The following ANKS1B variants were observed in gnomAD, a reference collection of about 807,000 sequenced individuals.
ANKS1B encodes the protein ankyrin repeat and sterile alpha motif domain containing 1B.
Under a neutral mutation model 148.3 loss-of-function variants are expected in ANKS1B, and 36 were observed. That is an observed-to-expected ratio of 0.24 (90% CI 0.19 to 0.32). ANKS1B has a LOEUF of 0.32. Among genes scored for constraint, ANKS1B ranks in the 10% least tolerant of loss-of-function variants. The pLI is 1.00. For synonymous variants in ANKS1B, 542 were observed against 560.8 expected (o/e 0.97, Z 0.47); for missense variants, 1,157 against 1,542.6 (o/e 0.75, Z 4.19).
chr12:98,837,957 A>G (rs2099384640), intron 17 of ANKS1B, among the ~76,000 whole-genome samples: 1 of 152,194 alleles, frequency 6.6e-6, no homozygotes, highest in Admixed American at 6.5e-5. Context: ...GAGAACCAGT[A>G]ATCCACAAAC....
rs78474714 is a variant in ANKS1B at position 98,949,343 on chromosome 12, T to C, written c.2778+103814A>G. ...CACAACTGCAGTTTTCTCAGGCCTA[T>C]GCAGCTGCCTCCATCCTTTTGCTCT... On this transcript the variant is annotated intron_variant, in intron 17 of 26. Transcript: ENST00000683438. Among the ~76,000 whole-genome samples, 842 of 152,274 alleles carry C rather than the reference T, an allele frequency of 5.5e-3. 2 individuals are homozygous for C. The highest frequency in any genetic ancestry group is 0.01 in the Middle Eastern group (3 of 294).
intron 17 of ANKS1B, among the ~76,000 whole-genome samples, chr12:98,970,098 G>A (rs1022396609): frequency 3.9e-5 from 6 of 151,932 alleles, no homozygotes; most frequent in African/African-American, 9.7e-5. Flanking sequence ...ACTGCCCCCT[G>A]TTTCTCTAAT....
At chr12:99,879,431 A>C (rs75027549) in intron 1 of ANKS1B, among the ~76,000 whole-genome samples, 9,651 of 152,250 alleles carry the variant, frequency 0.063, 336 homozygotes, top group Middle Eastern at 0.16. Flanking sequence ...GGCAGTTGTT[A>C]GTGCCTAGTA....
chr12:99,694,571 C>T (rs1434356802), intron 8 of ANKS1B, among the ~76,000 whole-genome samples: 1 of 151,712 alleles, frequency 6.6e-6, no homozygotes, highest in Non-Finnish European at 1.5e-5. Flanking sequence ...ATAAATAAAA[C>T]CTCAGCTGAC....
chr12:99,929,446 T>G (rs911673595), intron 1 of ANKS1B, among the ~76,000 whole-genome samples: 1 of 152,206 alleles, frequency 6.6e-6, no homozygotes, highest in Non-Finnish European at 1.5e-5. Context: ...ATTCTGTAGG[T>G]TGCCTGTTCA....
intron 15 of ANKS1B, among the ~76,000 whole-genome samples, chr12:99,088,311 C>T (rs2052681177): frequency 1.3e-5 from 2 of 152,066 alleles, no homozygotes; most frequent in African/African-American, 4.8e-5. Flanking sequence ...TGGATCATGG[C>T]GGGGCAAACT....
intron 11 of ANKS1B, among the ~76,000 whole-genome samples, chr12:99,431,977 T>G (rs553204725): frequency 6.6e-6 from 1 of 152,272 alleles, no homozygotes; most frequent in South Asian, 2.1e-4. Context: ...ATACTGACAG[T>G]TCCAAGTCTG....
intron 1 of ANKS1B, among the ~76,000 whole-genome samples, chr12:99,888,088 A>G (rs2092918111): frequency 6.6e-6 from 1 of 152,216 alleles, no homozygotes; most frequent in Non-Finnish European, 1.5e-5. Flanking sequence ...AGACGTAGAA[A>G]GAGACATAGA....
chr12:99,344,890 T>A (rs2090450813), intron 12 of ANKS1B: 1 of 152,078 alleles, frequency 6.6e-6, no homozygotes, highest in African/African-American at 2.4e-5. Flanking sequence ...TCCTTATAAT[T>A]ACCTCTTAAA....
intron 17 of ANKS1B, chr12:98,894,972 G>A (rs1250205922): frequency 7.3e-6 from 6 of 827,348 alleles, no homozygotes; most frequent in Non-Finnish European, 7.3e-6. Context: ...TCCACGCGGC[G>A]CGCGCCTGCC....
chr12:99,402,690 T>C (rs1341285073), intron 11 of ANKS1B, among the ~76,000 whole-genome samples: 1 of 146,452 alleles, frequency 6.8e-6, no homozygotes, highest in Non-Finnish European at 1.5e-5. Flanking sequence ...GTGGTGTATA[T>C]ATACCACATT....
intron 9 of ANKS1B, among the ~76,000 whole-genome samples, chr12:99,569,532 A>G (rs904590856): frequency 6.6e-6 from 1 of 152,240 alleles, no homozygotes; most frequent in Non-Finnish European, 1.5e-5. Flanking sequence ...AAAATGTAGG[A>G]ACAGACTTTC....
At chr12:98,931,832 T>TGAACCAA (rs1376472266) in intron 17 of ANKS1B, 1 of 152,192 alleles carries the variant, frequency 6.6e-6, no homozygotes, top group Non-Finnish European at 1.5e-5. Flanking sequence ...ACCAAAACTC[T>TGAACCAA]ATTTTTTAAT....
chr12:99,390,486 C>A (rs1183459002), intron 12 of ANKS1B, among the ~76,000 whole-genome samples: 1 of 152,182 alleles, frequency 6.6e-6, no homozygotes, highest in African/African-American at 2.4e-5. Context: ...TGGAGAATTT[C>A]AAAACGGAAA....
At chr12:99,575,301 C>A (rs60818108) in intron 9 of ANKS1B, among the ~76,000 whole-genome samples, 22,282 of 151,848 alleles carry the variant, frequency 0.15, 2,786 homozygotes, top group East Asian at 0.37. Context: ...AAACTTCATA[C>A]GTGAAGGAGA....
intron 15 of ANKS1B, among the ~76,000 whole-genome samples, chr12:99,110,192 A>T (rs1242071870): frequency 6.6e-6 from 1 of 152,198 alleles, no homozygotes; most frequent in Non-Finnish European, 1.5e-5. Flanking sequence ...GATAGATGAG[A>T]AACTGCAAGT....
chr12:99,385,248 C>T lies in ANKS1B; in HGVS notation c.1756+14383G>A, dbSNP rs370740260. Among the ~76,000 whole-genome samples, 7 of 152,304 alleles carry T rather than the reference C, an allele frequency of 4.6e-5. No individual in the cohort carries two copies. In the East Asian group the frequency reaches 9.6e-4, roughly 21 times the overall value. On this transcript the variant is annotated intron_variant, in intron 12 of 26. Coordinates refer to ENST00000683438, the MANE Select transcript of ANKS1B (RefSeq NM_001352186.2). ...CTTTGGGAGGCCGAGGCGGGTGGATCATTTGAAGTCAGGAGTTCGAGACCA... is the reference window on the plus strand; with the variant it reads ...CTTTGGGAGGCCGAGGCGGGTGGATTATTTGAAGTCAGGAGTTCGAGACCA...
chr12:99,785,661 G>A (rs1277833706), intron 4 of ANKS1B, among the ~76,000 whole-genome samples: 1 of 152,120 alleles, frequency 6.6e-6, no homozygotes, highest in East Asian at 1.9e-4. Context: ...TTGAACTCCT[G>A]ACCTCAAATG....
rs770480470 is a variant in ANKS1B, at chr12:98,798,491, T to TAA, written c.3342+441_3342+442dup. Among the ~76,000 whole-genome samples, 443 of 143,098 alleles carry TAA rather than the reference T, an allele frequency of 3.1e-3. 4 individuals carry two copies. The highest frequency in any genetic ancestry group is 0.01 in the African/African-American group (410 of 39,142). The allele number at this position is 143,098 out of a possible 152,430, so 93.9% of individuals were successfully genotyped here. ...CCACTCAAAGTTGAATTTAAAAAAA[T>TAA]AAAAAAAAAAAACTGAGTAAGAAAT... On this transcript the variant is annotated intron_variant, in intron 22 of 26. Transcript: ENST00000683438.
Sources: gnomAD v4.1 joint callset for allele counts (sites outside exome capture counted in the v4.1 genomes callset) on GRCh38, gnomAD v4.1.1 for gene constraint, MANE v1.5 for transcripts, NCBI Gene and HGNC (gene_info 2026-07-23, HGNC 2026-07-21) for gene names.